PRKAG2: variants seen among roughly 807,000 people sequenced by gnomAD.
PRKAG2 encodes 5'-AMP-activated protein kinase subunit gamma-2.
A neutral mutation model predicts 69.6 loss-of-function variants in PRKAG2; 26 were observed. The ratio of observed to expected loss-of-function variants is 0.37; its 90% CI spans 0.27 to 0.52. The LOEUF is 0.52. PRKAG2 is among the 20% of genes least tolerant of loss of function. The pLI, the probability that PRKAG2 is intolerant of heterozygous loss-of-function variation, is 0.90. For synonymous variants in PRKAG2, 293 were observed against 285.0 expected, an observed-to-expected ratio of 1.03 and a Z score of -0.28; for missense variants, 557 against 740.0, an observed-to-expected ratio of 0.75 and a Z score of 2.87.
At chr7:151,657,146 A>G (rs1242163856) in intron 4 of PRKAG2, among the ~76,000 whole-genome samples, 3 of 151,702 alleles carry the variant, frequency 2.0e-5, no homozygotes, top group Admixed American at 6.6e-5. Flanking sequence ...CAAAAAAAAA[A>G]AGGGGGGGTG....
At chr7:151,619,208 C>T (rs951005250) in intron 5 of PRKAG2, among the ~76,000 whole-genome samples, 1 of 152,168 alleles carries the variant, frequency 6.6e-6, no homozygotes, top group African/African-American at 2.4e-5. Context: ...GCATCTACCA[C>T]AGCCAATGAT....
At chr7:151,844,469 C>A (rs564431000) in intron 1 of PRKAG2, among the ~76,000 whole-genome samples, 2 of 152,184 alleles carry the variant, frequency 1.3e-5, no homozygotes, top group African/African-American at 4.8e-5. Flanking sequence ...AACCCTCCCA[C>A]CTGGGTGAGC....
intron 1 of PRKAG2, among the ~76,000 whole-genome samples, chr7:151,862,083 A>G (rs6961971): frequency 0.61 from 92,073 of 151,732 alleles, 28,420 homozygotes; most frequent in East Asian, 0.93. Flanking sequence ...GGCCCGAGGC[A>G]CTGGCATCTG....
chr7:151,675,890 T>C (rs1241311548), intron 3 of PRKAG2, among the ~76,000 whole-genome samples: 1 of 152,164 alleles, frequency 6.6e-6, no homozygotes, highest in Non-Finnish European at 1.5e-5. Flanking sequence ...GAAGCCAAAT[T>C]ATTCTGAATG....
chr7:151,821,108 C>T (rs1347730594), intron 1 of PRKAG2, among the ~76,000 whole-genome samples: 3 of 3,046 alleles, frequency 9.8e-4, no homozygotes, highest in East Asian at 3.1e-3. Context: ...GTGTGTGGCA[C>T]AGACAGCAGC....
intron 4 of PRKAG2, among the ~76,000 whole-genome samples, chr7:151,668,212 G>A (rs1445681837): frequency 2.6e-5 from 4 of 152,210 alleles, no homozygotes; most frequent in Admixed American, 6.5e-5. Flanking sequence ...TCTCTTGCCA[G>A]GTGATCTCTT....
chr7:151,778,233 T>C (rs980890755), intron 3 of PRKAG2, among the ~76,000 whole-genome samples: 27 of 152,100 alleles, frequency 1.8e-4, no homozygotes, highest in Admixed American at 1.6e-3. Context: ...CTCTGAGCCT[T>C]TGGGGAGACT....
At chr7:151,809,944 G>A (rs1302758394) in intron 1 of PRKAG2, 2 of 152,318 alleles carry the variant, frequency 1.3e-5, no homozygotes, top group East Asian at 3.9e-4. Context: ...AGAGCCACAG[G>A]CAGGGTATGA....
At chr7:151,706,594 G>A (rs1429881045) in intron 3 of PRKAG2, among the ~76,000 whole-genome samples, 1 of 152,182 alleles carries the variant, frequency 6.6e-6, no homozygotes, top group Non-Finnish European at 1.5e-5. Flanking sequence ...CTCCTGCTTT[G>A]AGCAGGTGTG....
intron 3 of PRKAG2, among the ~76,000 whole-genome samples, chr7:151,708,178 A>C (rs141384286): frequency 6.6e-6 from 1 of 152,168 alleles, no homozygotes; most frequent in Non-Finnish European, 1.5e-5. Flanking sequence ...CAAACCTCCA[A>C]TTGCTTCTTA....
At chr7:151,832,785 C>G (rs150518792) in intron 1 of PRKAG2, among the ~76,000 whole-genome samples, 178 of 152,220 alleles carry the variant, frequency 1.2e-3, no homozygotes, top group Non-Finnish European at 2.1e-3. Flanking sequence ...ACCTTCCCTC[C>G]CTCTTCTCTA....
intron 1 of PRKAG2, among the ~76,000 whole-genome samples, chr7:151,797,828 G>C (rs914880470): frequency 2.0e-5 from 3 of 152,166 alleles, no homozygotes; most frequent in Admixed American, 6.5e-5. Flanking sequence ...CACTCCCGCA[G>C]CATCTGGCCA....
chr7:151,610,864 G>T lies in PRKAG2; in HGVS notation c.755-15410C>A, dbSNP rs187673791. Among the ~76,000 whole-genome samples the T allele has an allele frequency of 3.6e-4, 53 of 146,246 alleles. No individual in the cohort carries two copies. In the East Asian group the frequency reaches 0.011, roughly 29 times the overall value. On this transcript the variant is annotated intron_variant, in intron 5 of 15. Coordinates refer to ENST00000287878, the MANE Select transcript of PRKAG2 (RefSeq NM_016203.4). ...TCTCCTGGGTTTAAGTGATTCTCCT[G>T]CCTTAGCTTCCTGAGTAGCTGGGAT...
At chr7:151,631,973 AGC>A in intron 5 of PRKAG2, 94 bp downstream of exon 5, 1 of 1,074,898 alleles carries the variant, frequency 9.3e-7, no homozygotes. Context: ...GCCGTGGGGC[AGC>A]GCCGGAGATG....
intron 1 of PRKAG2, among the ~76,000 whole-genome samples, chr7:151,846,330 T>A (rs773576486): frequency 2.6e-5 from 4 of 152,044 alleles, no homozygotes; most frequent in Non-Finnish European, 5.9e-5. Flanking sequence ...TAGCTGGGTG[T>A]GGTGGCGCAC....
At chr7:151,740,476 T>C (rs567290045) in intron 3 of PRKAG2, among the ~76,000 whole-genome samples, 55 of 152,330 alleles carry the variant, frequency 3.6e-4, no homozygotes, top group African/African-American at 1.3e-3. Flanking sequence ...CCCACACCTT[T>C]GAAAGTAGTG....
At chr7:151,717,767 T>G (rs980583675) in intron 3 of PRKAG2, among the ~76,000 whole-genome samples, 8 of 152,188 alleles carry the variant, frequency 5.3e-5, no homozygotes, top group Non-Finnish European at 1.0e-4. Flanking sequence ...AATAAATCTG[T>G]TCTTGGTGTG....
intron 6 of PRKAG2, among the ~76,000 whole-genome samples, chr7:151,593,339 T>C (rs1388920832): frequency 6.6e-6 from 1 of 152,128 alleles, no homozygotes; most frequent in Non-Finnish European, 1.5e-5. Flanking sequence ...AGGTGACTTC[T>C]ACCACACTCG....
chr7:151,874,780 C>G (rs2080347711), intron 1 of PRKAG2, among the ~76,000 whole-genome samples: 2 of 152,100 alleles, frequency 1.3e-5, no homozygotes, highest in Admixed American at 1.3e-4. Flanking sequence ...CCCAGTTACT[C>G]AGGAGGCTGA....
Sources: allele counts gnomAD v4.1 joint callset (sites outside exome capture counted in the v4.1 genomes callset), GRCh38; gene constraint gnomAD v4.1.1; transcripts MANE v1.5; gene names NCBI Gene and HGNC (gene_info 2026-07-23, HGNC 2026-07-21).